COL13A1: variants seen among roughly 807,000 people sequenced by gnomAD.
The protein encoded by COL13A1 is collagen alpha-1(XIII) chain.
In COL13A1, 89 loss-of-function variants were observed where a neutral mutation model predicts 130.9. That is an observed-to-expected ratio of 0.68 (90% confidence interval 0.57 to 0.81). The LOEUF (loss-of-function observed/expected upper bound fraction) is 0.81. Among genes scored for constraint, COL13A1 ranks in the 30% least tolerant of loss-of-function variants. COL13A1 has a pLI of 0.00. For missense variants in COL13A1, 879 were observed against 934.6 expected (o/e 0.94, Z 0.78); for synonymous variants, 402 against 341.6 (o/e 1.18, Z -1.95).
rs1208026724 is a variant in COL13A1, at chr10:69,930,215, G to T, written c.1530+128G>T. ...GTGGGCAAGGGAAGGGGAGATGGGGGGGGGCAGGGAGAGGGGCCCACCCTG... is the reference window on the plus strand; with the variant it reads ...GTGGGCAAGGGAAGGGGAGATGGGGTGGGGCAGGGAGAGGGGCCCACCCTG... On this transcript the variant is annotated intron_variant, in intron 29 of 40. Transcript: ENST00000645393. 2.6e-5 allele frequency: 28 copies of T among 1,092,100 alleles called. No homozygotes were observed. The East Asian group carries it at 6.2e-4, about 24-fold the overall frequency. The allele number at this position is 1,092,100 out of a possible 1,614,324, so 67.7% of individuals were successfully genotyped here.
intron 8 of COL13A1, 49 bp downstream of exon 8, chr10:69,887,540 C>CTGAT (rs760107292): frequency 6.2e-7 from 1 of 1,601,068 alleles, no homozygotes; most frequent in South Asian, 1.1e-5. Context: ...GTCTGTAGGC[C>CTGAT]TGATTGGGTT....
At chr10:69,857,034 C>T (rs531680324) in intron 2 of COL13A1, among the ~76,000 whole-genome samples, 2 of 152,294 alleles carry the variant, frequency 1.3e-5, no homozygotes, top group East Asian at 1.9e-4. Context: ...CTGTGTGTGG[C>T]AGCCCAGCCC....
At position 69,802,485 on chromosome 10, in the gene COL13A1, G is replaced by T; in HGVS notation, c.62G>T (p.Gly21Val). The change falls in exon 1 of 41, where the codon GGC becomes GTC. Residue 21 changes from glycine (G) to valine (V), a missense_variant. Around this residue, in one of 3 missense-constraint regions of COL13A1, gnomAD observed 715 missense variants for 721.0 expected, o/e 0.99. Transcript: ENST00000645393. The stretch of plus-strand genomic sequence containing the variant: ...GGTGCCCGCGGCCCTGGGGAGTTGG[G>T]CGCGCCCGGGACGGTGGCTCTGGTG... ...ATGARGPGEL[G>V]APGTVALVAA... The T allele has an allele frequency of 6.6e-7, 1 of 1,520,938 alleles. No homozygotes were observed. Among genetic ancestry groups the T allele is most frequent in the Non-Finnish European group, 8.8e-7 (1 of 1,137,438 alleles). The allele number at this position is 1,520,938 out of a possible 1,614,324, so 94.2% of individuals were successfully genotyped here. A position where few individuals can be genotyped will look rare whatever the true frequency, so the allele number is the denominator to read the frequency against.
chr10:69,905,746 G>A, intron 16 of COL13A1, 41 bp from the exon 17 acceptor site: 3 of 1,608,706 alleles, frequency 1.9e-6, no homozygotes, highest in Non-Finnish European at 2.5e-6. Flanking sequence ...AAGTTTGGCA[G>A]TGGGAAAACC....
intron 17 of COL13A1, among the ~76,000 whole-genome samples, chr10:69,909,789 G>A (rs988510207): frequency 2.6e-5 from 4 of 152,238 alleles, no homozygotes; most frequent in Admixed American, 2.0e-4. Flanking sequence ...GAGATGAAGT[G>A]ATTTTTCATC....
chr10:69,927,005 T>C, intron 26 of COL13A1, 82 bp from the exon 27 acceptor site: 2 of 1,598,798 alleles, frequency 1.3e-6, no homozygotes, highest in African/African-American at 1.3e-5. Context: ...CTAGCTCCCA[T>C]GTTTCCATGA....
intron 2 of COL13A1, among the ~76,000 whole-genome samples, chr10:69,859,335 A>C (rs1024712713): frequency 6.6e-6 from 1 of 152,220 alleles, no homozygotes; most frequent in Admixed American, 6.5e-5. Flanking sequence ...CATCATTCAG[A>C]GATACAGGCC....
chr10:69,863,620 T>A (rs1296083292), intron 2 of COL13A1, among the ~76,000 whole-genome samples: 1 of 152,002 alleles, frequency 6.6e-6, no homozygotes, highest in Non-Finnish European at 1.5e-5. Flanking sequence ...AAGTCCAGGG[T>A]CGAGGGGGAG....
intron 38 of COL13A1, among the ~76,000 whole-genome samples, chr10:69,949,903 T>C (rs1182564774): frequency 6.7e-6 from 1 of 149,942 alleles, no homozygotes; most frequent in Admixed American, 6.6e-5. Context: ...ATGCCCAACT[T>C]TGGGGGGGTG....
At position 69,802,368 on chromosome 10, in the gene COL13A1, G is replaced by T; in HGVS notation, c.-56G>T. On this transcript the variant is annotated 5_prime_UTR_variant, in exon 1 of 41. Coordinates refer to ENST00000645393, the MANE Select transcript of COL13A1 (RefSeq NM_001368882.1). ...GTTTGGATAGAGCCTTTTGGCAGCG[G>T]CTGTCGCCTTTATTTATTCTATTTA... The T allele has an allele frequency of 7.2e-7, 1 of 1,394,616 alleles. No individual in the cohort carries two copies. The allele number at this position is 1,394,616 out of a possible 1,614,324, so 86.4% of individuals were successfully genotyped here.
intron 3 of COL13A1, among the ~76,000 whole-genome samples, chr10:69,870,868 G>T (rs12146229): frequency 0.21 from 32,552 of 151,692 alleles, 3,645 homozygotes; most frequent in Middle Eastern, 0.28. Context: ...CTTTGGCAAG[G>T]GTCGGGCTGC....
rs539326274 is a variant in COL13A1, at chr10:69,894,516, T to A, written c.604-36T>A. 39 of 1,612,894 alleles carry A rather than the reference T, an allele frequency of 2.4e-5. No individual in the cohort carries two copies. The South Asian group carries it at 4.0e-4, about 16-fold the overall frequency. ...GGTGTCCCTGATTGCCTGTCTTCTG[T>A]CTGCCCACTGACCTGTGTGTGTTTG... On this transcript the variant is annotated intron_variant, in intron 10 of 40. Coordinates refer to ENST00000645393, the MANE Select transcript of COL13A1 (RefSeq NM_001368882.1).
At chr10:69,829,465 G>A (rs1195513097) in intron 2 of COL13A1, among the ~76,000 whole-genome samples, 6 of 152,230 alleles carry the variant, frequency 3.9e-5, no homozygotes, top group Non-Finnish European at 8.8e-5. Context: ...CTGGTTGTCT[G>A]ACCACATTTG....
intron 2 of COL13A1, among the ~76,000 whole-genome samples, chr10:69,863,366 G>A (rs146227881): frequency 1.1e-4 from 16 of 152,286 alleles, no homozygotes; most frequent in East Asian, 9.7e-4. Context: ...TCTGAGGGGA[G>A]CCCGTGATGC....
At chr10:69,828,312 G>T (rs781051347) in intron 2 of COL13A1, among the ~76,000 whole-genome samples, 1 of 151,522 alleles carries the variant, frequency 6.6e-6, no homozygotes, top group Admixed American at 6.6e-5. Context: ...CAGCCCCACC[G>T]CATGTCCCAT....
At chr10:69,823,948 C>A (rs1846815974) in intron 2 of COL13A1, among the ~76,000 whole-genome samples, 1 of 152,096 alleles carries the variant, frequency 6.6e-6, no homozygotes, top group Non-Finnish European at 1.5e-5. Context: ...TGGGACAGCC[C>A]ATGTTTCCAA....
intron 39 of COL13A1, among the ~76,000 whole-genome samples, chr10:69,954,614 C>A (rs1028757635): frequency 1.3e-5 from 2 of 152,196 alleles, no homozygotes; most frequent in Non-Finnish European, 2.9e-5. Context: ...GGAGGAGGGG[C>A]CACCTGCCTA....
At chr10:69,827,103 G>T (rs1233967585) in intron 2 of COL13A1, among the ~76,000 whole-genome samples, 1 of 152,220 alleles carries the variant, frequency 6.6e-6, no homozygotes, top group Non-Finnish European at 1.5e-5. Context: ...CTAGCATACT[G>T]CACAGAGGAC....
chr10:69,935,208 G>A, intron 31 of COL13A1, 142 bp from the exon 32 acceptor site: 1 of 664,386 alleles, frequency 1.5e-6, no homozygotes, highest in Non-Finnish European at 2.6e-6. Context: ...CTTTTTTGGG[G>A]GATACTGTGC....
Sources: allele counts gnomAD v4.1 joint callset (sites outside exome capture counted in the v4.1 genomes callset), GRCh38; gene constraint gnomAD v4.1.1; regional missense constraint gnomAD v4.1.1; transcripts MANE v1.5; gene names NCBI Gene and HGNC (gene_info 2026-07-23, HGNC 2026-07-21).